Variants in CTBP2 observed in about 807,000 individuals in gnomAD.
The protein encoded by CTBP2 is C-terminal-binding protein 2.
Under a neutral mutation model 80.3 loss-of-function variants are expected in CTBP2, and 30 were observed. That is an observed-to-expected ratio of 0.37 (90% CI 0.28 to 0.51). CTBP2 has a LOEUF of 0.51. Among genes scored for constraint, CTBP2 ranks in the 20% least tolerant of loss-of-function variants. The pLI is 0.93. For synonymous variants in CTBP2, 594 were observed against 587.4 expected (o/e 1.01, Z -0.16); for missense variants, 1,212 against 1,375.3 (o/e 0.88, Z 1.88).
intron 2 of CTBP2, among the ~76,000 whole-genome samples, chr10:125,052,812 C>T (rs1963083854): frequency 6.6e-6 from 1 of 152,180 alleles, no homozygotes; most frequent in Non-Finnish European, 1.5e-5. Context: ...CCAGACGGAG[C>T]GCCCACTGGA....
chr10:124,991,895 G>A lies in CTBP2; in HGVS notation c.2777+800C>T, dbSNP rs964664354. On this transcript the variant is annotated intron_variant, in intron 8 of 8. Transcript: ENST00000309035. ...TTTTCCTGGGAAGCCAGCAATAATG[G>A]GGGGGGGGGTGTGGGAGAAAACCGA... 4.0e-4 allele frequency among the ~76,000 whole-genome samples: 47 copies of A among 118,984 alleles called. 1 individual carries two copies. Among genetic ancestry groups the A allele is most frequent in the Admixed American group, 2.5e-3 (28 of 11,208 alleles). 78.1% of individuals were successfully genotyped at this position (118,984 alleles called of 152,430 possible). A position where few individuals can be genotyped will look rare whatever the true frequency, so the allele number is the denominator to read the frequency against.
At chr10:125,018,058 T>C (rs546998796) in intron 1 of CTBP2, among the ~76,000 whole-genome samples, 10 of 152,378 alleles carry the variant, frequency 6.6e-5, no homozygotes, top group South Asian at 4.1e-4. Context: ...CCCAAGTGTA[T>C]ACCATTGTTG....
intron 5 of CTBP2, 40 bp from the exon 8 acceptor site, chr10:124,994,025 A>G (rs1953099055): frequency 6.2e-7 from 1 of 1,612,180 alleles, no homozygotes; most frequent in East Asian, 2.2e-5. Flanking sequence ...GCACACTGGC[A>G]TGGTGGAAGA....
At chr10:125,000,775 A>T (rs2134236348) in intron 3 of CTBP2, 1 of 152,390 alleles carries the variant, frequency 6.6e-6, no homozygotes, top group Non-Finnish European at 1.5e-5. Flanking sequence ...TTTCATCAGG[A>T]GAGGGCCTGC....
intron 2 of CTBP2, among the ~76,000 whole-genome samples, chr10:125,039,639 G>A (rs192650790): frequency 5.9e-5 from 9 of 152,286 alleles, no homozygotes; most frequent in Non-Finnish European, 1.3e-4. Flanking sequence ...CCGCGCAGGG[G>A]TCAGGGGTCA....
chr10:125,150,570 T>TA (rs1859647721), intron 1 of CTBP2, among the ~76,000 whole-genome samples: 1 of 152,034 alleles, frequency 6.6e-6, no homozygotes, highest in South Asian at 2.1e-4. Flanking sequence ...GCGAAGTTGG[T>TA]AGTAACTAGC....
intron 2 of CTBP2, among the ~76,000 whole-genome samples, chr10:125,054,621 G>C (rs1963476870): frequency 6.6e-6 from 1 of 152,202 alleles, no homozygotes; most frequent in Admixed American, 6.5e-5. Flanking sequence ...TTTACATTTT[G>C]AGGTAATTTG....
chr10:125,058,716 G>A (rs187776108), intron 2 of CTBP2, among the ~76,000 whole-genome samples: 48 of 152,064 alleles, frequency 3.2e-4, no homozygotes, highest in East Asian at 1.5e-3. Context: ...CCAACATGAC[G>A]AAACCCGTCT....
At chr10:125,025,145 GA>G (rs55905611) in intron 1 of CTBP2, among the ~76,000 whole-genome samples, 3,984 of 149,864 alleles carry the variant, frequency 0.027, 173 homozygotes, top group African/African-American at 0.091. Flanking sequence ...AGCTATTCAG[GA>G]AAAAAAAAAA....
chr10:125,124,239 C>T (rs866681041), intron 1 of CTBP2, among the ~76,000 whole-genome samples: 3 of 152,154 alleles, frequency 2.0e-5, no homozygotes, highest in South Asian at 2.1e-4. Flanking sequence ...TTGTATCACC[C>T]GAAAGGTCTT....
chr10:125,110,065 A>C (rs1220925429), intron 2 of CTBP2, among the ~76,000 whole-genome samples: 1 of 152,180 alleles, frequency 6.6e-6, no homozygotes, highest in African/African-American at 2.4e-5. Context: ...CCAAGTCTCT[A>C]ACTGCCTCCA....
chr10:125,116,629 C>T (rs946021539), intron 1 of CTBP2, among the ~76,000 whole-genome samples: 17 of 152,194 alleles, frequency 1.1e-4, no homozygotes, highest in African/African-American at 3.9e-4. Context: ...AGCCCCCTCT[C>T]CTAGCCTGAC....
intron 2 of CTBP2, among the ~76,000 whole-genome samples, chr10:125,077,802 C>A (rs1198288409): frequency 6.6e-6 from 1 of 152,186 alleles, no homozygotes; most frequent in Non-Finnish European, 1.5e-5. Flanking sequence ...TCAACCTCAG[C>A]TCACCTCTCA....
chr10:125,052,662 C>T (rs765363241), intron 2 of CTBP2, among the ~76,000 whole-genome samples: 8 of 152,204 alleles, frequency 5.3e-5, no homozygotes, highest in Admixed American at 5.2e-4. Flanking sequence ...CAGCAGCAAA[C>T]GGATGGTGAT....
intron 1 of CTBP2, among the ~76,000 whole-genome samples, chr10:125,007,357 G>A (rs557747651): frequency 6.6e-6 from 1 of 152,370 alleles, no homozygotes; most frequent in South Asian, 2.1e-4. Context: ...CCCATCCCTG[G>A]GCCTGGTATT....
At chr10:125,021,015 T>C (rs756201560) in intron 1 of CTBP2, among the ~76,000 whole-genome samples, 6 of 152,128 alleles carry the variant, frequency 3.9e-5, no homozygotes, top group Non-Finnish European at 8.8e-5. Context: ...CGCTGTCTAG[T>C]TGTCCCGGCA....
upstream of CTBP2, among the ~76,000 whole-genome samples, chr10:125,161,725 A>G (rs1173246029): frequency 6.6e-6 from 1 of 151,950 alleles, no homozygotes; most frequent in Non-Finnish European, 1.5e-5. Flanking sequence ...AAAAAAAAAA[A>G]AAAGGTTCCC....
At chr10:125,115,645 G>A (rs1181901606) in intron 1 of CTBP2, among the ~76,000 whole-genome samples, 2 of 152,212 alleles carry the variant, frequency 1.3e-5, no homozygotes, top group Non-Finnish European at 2.9e-5. Flanking sequence ...TCCAGGCTGA[G>A]GCCGTTATCC....
intron 5 of CTBP2, 33 bp downstream of exon 7, chr10:124,994,436 C>T (rs976164119): frequency 3.1e-6 from 5 of 1,606,668 alleles, no homozygotes; most frequent in African/African-American, 1.3e-5. Context: ...CACCTTTCGA[C>T]AGAAGCTTCC....
Sources: gnomAD v4.1 joint callset for allele counts (sites outside exome capture counted in the v4.1 genomes callset) on GRCh38, gnomAD v4.1.1 for gene constraint, MANE v1.5 for transcripts, NCBI Gene and HGNC (gene_info 2026-07-23, HGNC 2026-07-21) for gene names.